The following NEURL4 variants were observed in gnomAD, a reference collection of about 807,000 sequenced individuals.
NEURL4 encodes neuralized-like protein 4.
A neutral mutation model predicts 148.0 loss-of-function variants in NEURL4; 45 were observed. The observed-to-expected ratio is 0.30, with a 90% confidence interval of 0.24 to 0.39. The LOEUF (loss-of-function observed/expected upper bound fraction) is 0.39, where lower values mean the gene tolerates loss of function less well. NEURL4 is among the 10% of genes least tolerant of loss of function. NEURL4 has a pLI of 1.00. For missense variants in NEURL4, 1,776 were observed against 2,144.0 expected (o/e 0.83, Z 3.39); for synonymous variants, 854 against 869.0 (o/e 0.98, Z 0.30).
Position 7,317,360 on chromosome 17 carries a change from G to A in NEURL4, c.4329C>T (p.Ser1443=), listed in dbSNP as rs369687175. 1.2e-5 allele frequency: 19 copies of A among 1,569,846 alleles called. No individual in the cohort carries two copies. The highest frequency in any genetic ancestry group is 1.5e-5 in the Non-Finnish European group (17 of 1,155,926). ...DRGELGAGTA[S]ILSCRPLKGE... is the part of the protein sequence containing the mutation. Reference sequence around the variant, plus strand: ...CCTTCAAAGGACGGCAGCTCAGGATGGAGGCAGTACCTGGGAGGAGAACTG... The same window carrying A: ...CCTTCAAAGGACGGCAGCTCAGGATAGAGGCAGTACCTGGGAGGAGAACTG... Residue 1443 remains serine (S), a synonymous_variant, in exon 28 of 29, where the codon TCC becomes TCT. Transcript: ENST00000399464.
Position 7,326,490 on chromosome 17 carries a change from G to T in NEURL4, c.1151C>A (p.Thr384Asn). Residue 384 changes from threonine to asparagine, a missense_variant, in exon 5 of 29, where the codon ACC (threonine) becomes AAC (asparagine). Transcript: ENST00000399464. This position sits in a 1 kb window ranked among gnomAD's most constrained non-coding sequence, Gnocchi z 6.0. ...WSGSIEIGVT[T>N]HNPNSLEYPA... The stretch of plus-strand genomic sequence containing the variant: ...GTACTCCAAACTGTTGGGGTTGTGG[G>T]TGGTGACCCCAATCTCAATGGAGCC... 2 of 1,614,174 alleles carry T rather than the reference G, an allele frequency of 1.2e-6. No individual in the cohort carries two copies. Among genetic ancestry groups the T allele is most frequent in the African/African-American group, 1.3e-5 (1 of 75,028 alleles).
Position 7,320,838 on chromosome 17 carries a change from C to T in NEURL4, c.3446G>A (p.Arg1149His), listed in dbSNP as rs369558533. The change falls in exon 21 of 29, where the codon CGT becomes CAT. Residue 1149 changes from arginine to histidine, a missense_variant. Arg to His is a conservative substitution (Grantham distance 29). Transcript: ENST00000399464. ...GTAGCTGGCCACCCGTGTGGCCGTA[C>T]GGTTCCCATTAGACAAAAGGATATT... is the stretch of plus-strand genomic sequence containing the variant. ...GKNILLSNGN[R>H]TATRVASYNQ... The T allele has an allele frequency of 1.6e-5, 26 of 1,613,930 alleles. No individual in the cohort carries two copies. Among genetic ancestry groups the T allele is most frequent in the South Asian group, 5.5e-5 (5 of 91,088 alleles).
Position 7,326,025 on chromosome 17 carries a change from C to T in NEURL4, c.1293+230G>A, listed in dbSNP as rs1031098840. Among the ~76,000 whole-genome samples, 4 of 152,162 alleles carry T rather than the reference C, an allele frequency of 2.6e-5. No homozygotes were observed. Among genetic ancestry groups the T allele is most frequent in the African/African-American group, 9.7e-5 (4 of 41,432 alleles). On this transcript the variant is annotated intron_variant, in intron 6 of 28. Coordinates refer to ENST00000399464, the MANE Select transcript of NEURL4 (RefSeq NM_032442.3). This position sits in a 1 kb window ranked among gnomAD's most constrained non-coding sequence, Gnocchi z 6.0. ...AATCAAAGAGGATAAGCTTCTTGCC[C>T]CGGTTCGCTACTACAAATGGGAAAA...
rs769859748 is a variant in NEURL4 at position 7,322,689 on chromosome 17, A to C, written c.2725+46T>G. 6.3e-7 allele frequency: 1 copy of C among 1,596,116 alleles called. No homozygotes were observed. The highest frequency in any genetic ancestry group is 8.5e-7 in the Non-Finnish European group (1 of 1,173,974). On this transcript the variant is annotated intron_variant, in intron 16 of 28. Coordinates refer to ENST00000399464, the MANE Select transcript of NEURL4 (RefSeq NM_032442.3). This position sits in a 1 kb window ranked among gnomAD's most constrained non-coding sequence, Gnocchi z 5.5. ...CCTGGAAACCCTACTCCTCAGGTGC[A>C]CAGCAGGCAAGCAGAGCCCGTCCAG...
rs753283299 is a variant in NEURL4, at chr17:7,326,376, G to A, written c.1205-33C>T. 141 of 1,613,638 alleles carry A rather than the reference G, an allele frequency of 8.7e-5. No homozygotes were observed. The highest frequency in any genetic ancestry group is 1.1e-4 in the Non-Finnish European group (125 of 1,179,702). ...ATAGTGGACACTTGGGTTCGGGTAC[G>A]GGGCTTCCTTCCCCTCAGCAACACC... On this transcript the variant is annotated intron_variant, in intron 5 of 28. Transcript: ENST00000399464. This position sits in a 1 kb window ranked among gnomAD's most constrained non-coding sequence, Gnocchi z 6.0.
chr17:7,327,146 G>T lies in NEURL4; in HGVS notation c.793+19C>A. On this transcript the variant is annotated intron_variant, in intron 3 of 28. Transcript: ENST00000399464. This position sits in a 1 kb window ranked among gnomAD's most constrained non-coding sequence, Gnocchi z 6.6. The stretch of plus-strand genomic sequence containing the variant: ...CTCACTTCCCACTCCCCTTCCCAGG[G>T]CCTCCCCAAAGCCCTCACCATTATG... 6.2e-7 allele frequency: 1 copy of T among 1,610,912 alleles called. No homozygotes were observed.
chr17:7,328,817 T>C (rs1361552513), intron 1 of NEURL4, among the ~76,000 whole-genome samples: 6 of 152,186 alleles, frequency 3.9e-5, no homozygotes, highest in African/African-American at 1.4e-4. Flanking sequence ...CTTCCCTGGT[T>C]CTGGATCTTG....
In NEURL4 at chr17:7,319,041, C is replaced by T. The variant is rs766383784; in HGVS notation, c.3684+9G>A. ...CTGGTCCTGTTCCTTCTCTCTGGCT[C>T]CTACTCACCTTGAGACCGTTGTGGA... On this transcript the variant is annotated intron_variant, in intron 22 of 28. Coordinates refer to ENST00000399464, the MANE Select transcript of NEURL4 (RefSeq NM_032442.3). 2 of 1,604,102 alleles carry T rather than the reference C, an allele frequency of 1.2e-6. No homozygotes were observed. Among genetic ancestry groups the T allele is most frequent in the Admixed American group, 3.4e-5 (2 of 58,350 alleles).
In NEURL4 at chr17:7,323,933, G is replaced by A. The variant is rs753557308; in HGVS notation, c.2142C>T (p.Gly714=). The change falls in exon 12 of 29, where the codon GGC becomes GGT. Residue 714 remains glycine (G), a synonymous_variant. Coordinates refer to ENST00000399464, the MANE Select transcript of NEURL4 (RefSeq NM_032442.3). The stretch of plus-strand genomic sequence containing the variant: ...GCAGCTGATGGAAGCGCAGGTCAGA[G>A]CCCCCGGCCCCTGAGGACGGAGAGC... ...SPSSPSSGAG[G]SDLRFHQLHG... The A allele has an allele frequency of 2.5e-6, 4 of 1,613,378 alleles. No individual in the cohort carries two copies. Among genetic ancestry groups the A allele is most frequent in the Non-Finnish European group, 3.4e-6 (4 of 1,180,038 alleles).
In NEURL4 at chr17:7,323,035, T is replaced by C. The variant is rs1412082690; in HGVS notation, c.2506A>G (p.Met836Val). Residue 836 changes from methionine to valine, a missense_variant, in exon 15 of 29, where the codon ATG (methionine) becomes GTG (valine). By Grantham distance (21) the Met-to-Val change is conservative. Transcript: ENST00000399464. ...AGGTCGCCCTTGGCAGTTCGCATCATGCCAATGCGTGCACCTGTGCCCAGC... is the reference window on the plus strand; with the variant it reads ...AGGTCGCCCTTGGCAGTTCGCATCACGCCAATGCGTGCACCTGTGCCCAGC... Reference protein sequence around the residue: ...DALGTGARIGMMRTAKGDLHY... With the variant: ...DALGTGARIGVMRTAKGDLHY... The C allele has an allele frequency of 1.2e-6, 2 of 1,613,794 alleles. No individual in the cohort carries two copies. The highest frequency in any genetic ancestry group is 3.3e-5 in the Admixed American group (2 of 60,022).
In NEURL4 at chr17:7,318,422, A is replaced by T; in HGVS notation, c.3865-66T>A. ...CCAGGGCCTGCTGATCCCTCCCTGG[A>T]ACAGAGATTTCCCCTGTCCTGGACA... On this transcript the variant is annotated intron_variant, in intron 23 of 28. Coordinates refer to ENST00000399464, the MANE Select transcript of NEURL4 (RefSeq NM_032442.3). This position sits in a 1 kb window ranked among gnomAD's most constrained non-coding sequence, Gnocchi z 4.3. The T allele has an allele frequency of 6.2e-7, 1 of 1,610,316 alleles. No individual in the cohort carries two copies. The highest frequency in any genetic ancestry group is 8.5e-7 in the Non-Finnish European group (1 of 1,177,034).
chr17:7,327,501 G>T lies in NEURL4; in HGVS notation c.666C>A (p.Leu222=). 6.3e-7 allele frequency: 1 copy of T among 1,592,170 alleles called. No individual in the cohort carries two copies. Among genetic ancestry groups the T allele is most frequent in the South Asian group, 1.1e-5 (1 of 87,450 alleles). ...SPPTPIPTPP[L]EPLAPTEDSA... ...AGTCTTCAGTGGGGGCCAAGGGCTC[G>T]AGGGGAGGTGTGGGGATGGGAGTAG... The change falls in exon 2 of 29, where the codon CTC becomes CTA. Residue 222 remains leucine (L), a synonymous_variant. Coordinates refer to ENST00000399464, the MANE Select transcript of NEURL4 (RefSeq NM_032442.3). The surrounding 1 kb of genome is among the most constrained non-coding windows in gnomAD (Gnocchi z 6.6).
chr17:7,327,254 G>A lies in NEURL4; in HGVS notation c.728-24C>T, dbSNP rs1392334071. ...GGCTGGGGACCAGGTGGGATGGGAGGGGAATAAGGGTTCAGTCCCTGCTTC... is the reference window on the plus strand; with the variant it reads ...GGCTGGGGACCAGGTGGGATGGGAGAGGAATAAGGGTTCAGTCCCTGCTTC... On this transcript the variant is annotated intron_variant, in intron 2 of 28. Coordinates refer to ENST00000399464, the MANE Select transcript of NEURL4 (RefSeq NM_032442.3). The surrounding 1 kb of genome is among the most constrained non-coding windows in gnomAD (Gnocchi z 6.6). 2 of 1,591,646 alleles carry A rather than the reference G, an allele frequency of 1.3e-6. No homozygotes were observed. Among genetic ancestry groups the A allele is most frequent in the East Asian group, 2.2e-5 (1 of 44,626 alleles).
chr17:7,328,973 C>G (rs1227878219), intron 1 of NEURL4, 58 bp downstream of exon 1: 2 of 1,460,704 alleles, frequency 1.4e-6, no homozygotes, highest in Non-Finnish European at 1.8e-6. Context: ...TACCCCGTCT[C>G]CCTCTAGACG....
intron 21 of NEURL4, 74 bp from the exon 22 acceptor site, chr17:7,319,282 G>C: frequency 1.5e-6 from 2 of 1,370,018 alleles, no homozygotes; most frequent in East Asian, 2.4e-5. Context: ...GCCAGAGAGG[G>C]AATACTGCAC....
In NEURL4 at chr17:7,327,940, C is replaced by G; in HGVS notation, c.283-56G>C. 3 of 1,360,180 alleles carry G rather than the reference C, an allele frequency of 2.2e-6. No individual in the cohort carries two copies. The highest frequency in any genetic ancestry group is 1.4e-5 in the South Asian group (1 of 71,896). The allele number at this position is 1,360,180 out of a possible 1,614,324, so 84.3% of individuals were successfully genotyped here. On this transcript the variant is annotated intron_variant, in intron 1 of 28. Transcript: ENST00000399464. The surrounding 1 kb of genome is among the most constrained non-coding windows in gnomAD (Gnocchi z 6.6). ...AATGGGCCACCCCCCATTCCACAGG[C>G]CACCATATCTTCCCACCTCTCAGAC...
intron 28 of NEURL4, 51 bp downstream of exon 28, chr17:7,317,154 C>T (rs1258681209): frequency 7.3e-7 from 1 of 1,363,346 alleles, no homozygotes; most frequent in Non-Finnish European, 9.8e-7. Context: ...GCGCTTGGGC[C>T]CTCTCCATCC....
Position 7,316,113 on chromosome 17 carries a change from G to A in NEURL4, c.*10C>T. The A allele has an allele frequency of 1.4e-6, 2 of 1,379,450 alleles. No homozygotes were observed. Among genetic ancestry groups the A allele is most frequent in the Non-Finnish European group, 2.1e-6 (2 of 965,844 alleles). 85.5% of individuals were successfully genotyped at this position (1,379,450 alleles called of 1,614,324 possible). On this transcript the variant is annotated 3_prime_UTR_variant, in exon 29 of 29. Coordinates refer to ENST00000399464, the MANE Select transcript of NEURL4 (RefSeq NM_032442.3). ...GCCCGACTGTGCTTGTAGTAGTGGT[G>A]TCTCACCCCTCATTCCACCCGTACC...
At chr17:7,320,951 A>G in intron 20 of NEURL4, 28 bp from the exon 21 acceptor site, 1 of 1,612,338 alleles carries the variant, frequency 6.2e-7, no homozygotes, top group Non-Finnish European at 8.5e-7. Flanking sequence ...ACTGAGCTGC[A>G]TGGGTTGCCA....
Sources: allele counts gnomAD v4.1 joint callset (sites outside exome capture counted in the v4.1 genomes callset), GRCh38; gene constraint gnomAD v4.1.1; non-coding constraint Gnocchi (gnomAD v3.1); transcripts MANE v1.5; gene names NCBI Gene and HGNC (gene_info 2026-07-23, HGNC 2026-07-21).